Variants in EPHA7 observed in about 807,000 individuals in gnomAD.
EPHA7 encodes ephrin type-A receptor 7.
In EPHA7, 25 loss-of-function variants were observed where a neutral mutation model predicts 112.6. The ratio of observed to expected loss-of-function variants is 0.22; its 90% CI spans 0.16 to 0.31. EPHA7 has a LOEUF of 0.31. Among genes scored for constraint, EPHA7 ranks in the 10% least tolerant of loss-of-function variants. The pLI, the probability that EPHA7 is intolerant of heterozygous loss-of-function variation, is 1.00. For synonymous variants in EPHA7, 437 were observed against 406.5 expected (o/e 1.07, Z -0.90); for missense variants, 962 against 1,212.6 (o/e 0.79, Z 3.07).
chr6:93,414,289 CTT>C (rs1360178057), intron 2 of EPHA7, among the ~76,000 whole-genome samples: 2 of 151,738 alleles, frequency 1.3e-5, no homozygotes, highest in African/African-American at 4.8e-5. Flanking sequence ...GATGCTGAAA[CTT>C]TTAAAAATAG....
At chr6:93,404,179 T>C (rs1778572189) in intron 3 of EPHA7, among the ~76,000 whole-genome samples, 1 of 151,060 alleles carries the variant, frequency 6.6e-6, no homozygotes, top group Middle Eastern at 3.4e-3. Flanking sequence ...ATAATGATAC[T>C]ATGTTGTGTT....
At chr6:93,322,717 CATT>C (rs1292238955) in intron 5 of EPHA7, among the ~76,000 whole-genome samples, 1 of 151,558 alleles carries the variant, frequency 6.6e-6, no homozygotes, top group Non-Finnish European at 1.5e-5. Flanking sequence ...TTCATGAACT[CATT>C]GTATCAAATA....
chr6:93,257,397 T>A, intron 12 of EPHA7, 65 bp downstream of exon 12: 1 of 1,275,204 alleles, frequency 7.8e-7, no homozygotes, highest in South Asian at 1.3e-5. Context: ...GCAAAAAAAG[T>A]TCATAAAATT....
chr6:93,287,723 T>A (rs1010267749), intron 5 of EPHA7, among the ~76,000 whole-genome samples: 1 of 151,998 alleles, frequency 6.6e-6, no homozygotes, highest in African/African-American at 2.4e-5. Context: ...TATGTGTTGT[T>A]CCCTCTGTGT....
chr6:93,416,062 A>G (rs1458454175), intron 1 of EPHA7, among the ~76,000 whole-genome samples: 1 of 150,274 alleles, frequency 6.7e-6, no homozygotes, highest in Admixed American at 6.7e-5. Context: ...TTAGTGTTTT[A>G]CACTTAAGAC....
Position 93,258,211 on chromosome 6 carries a change from G to A in EPHA7, c.1998C>T (p.Thr666=). 1 of 1,613,142 alleles carries A rather than the reference G, an allele frequency of 6.2e-7. No homozygotes were observed. Among genetic ancestry groups the A allele is most frequent in the Non-Finnish European group, 8.5e-7 (1 of 1,179,560 alleles). ...GKRDVAVAIK[T]LKVGYTEKQR... Reference sequence around the variant, plus strand: ...GTTTTTCTGTGTAACCAACTTTCAGGGTTTTTATGGCTACTGCAACATCTC... The same window carrying A: ...GTTTTTCTGTGTAACCAACTTTCAGAGTTTTTATGGCTACTGCAACATCTC... Residue 666 remains threonine, a synonymous_variant, in exon 11 of 17, where the codon ACC becomes ACT. Coordinates refer to ENST00000369303, the MANE Select transcript of EPHA7 (RefSeq NM_004440.4).
In EPHA7 at chr6:93,241,811, A is replaced by C. The variant is rs922021998; in HGVS notation, c.*1615T>G. 2 of 219,490 alleles carry C rather than the reference A, an allele frequency of 9.1e-6. No individual in the cohort carries two copies. The highest frequency in any genetic ancestry group is 3.7e-4 in the South Asian group (2 of 5,404). 13.6% of individuals were successfully genotyped at this position (219,490 alleles called of 1,614,324 possible). A position where few individuals can be genotyped will look rare whatever the true frequency, so the allele number is the denominator to read the frequency against. Reference sequence around the variant, plus strand: ...TGTATTCAGAGCCCACTACAGAGAAATGTGTGTACAAAACAAGACAGTATA... The same window carrying C: ...TGTATTCAGAGCCCACTACAGAGAACTGTGTGTACAAAACAAGACAGTATA... On this transcript the variant is annotated 3_prime_UTR_variant, in exon 17 of 17. Transcript: ENST00000369303.
intron 5 of EPHA7, among the ~76,000 whole-genome samples, chr6:93,354,702 C>G (rs1368682184): frequency 6.7e-6 from 1 of 150,344 alleles, no homozygotes; most frequent in African/African-American, 2.4e-5. Flanking sequence ...ACATCCAAAG[C>G]CATTTTACAT....
chr6:93,349,025 G>A (rs547406277), intron 5 of EPHA7, among the ~76,000 whole-genome samples: 3 of 151,544 alleles, frequency 2.0e-5, no homozygotes, highest in East Asian at 1.9e-4. Context: ...TGATAAATTC[G>A]GAATGTGAAG....
intron 3 of EPHA7, among the ~76,000 whole-genome samples, chr6:93,373,789 G>A (rs1752881093): frequency 6.6e-6 from 1 of 150,764 alleles, no homozygotes; most frequent in African/African-American, 2.4e-5. Context: ...ATAATCACAA[G>A]CTTAACATAA....
intron 3 of EPHA7, among the ~76,000 whole-genome samples, chr6:93,376,013 CAGA>C (rs766174660): frequency 7.2e-5 from 11 of 152,090 alleles, no homozygotes; most frequent in Non-Finnish European, 1.6e-4. Flanking sequence ...AGAAGATAGT[CAGA>C]AGGAGGTGGG....
At chr6:93,412,439 A>G (rs2127995905) in intron 2 of EPHA7, among the ~76,000 whole-genome samples, 1 of 152,272 alleles carries the variant, frequency 6.6e-6, no homozygotes, top group South Asian at 2.1e-4. Context: ...AATTAGCAAT[A>G]TAATACAATT....
intron 3 of EPHA7, among the ~76,000 whole-genome samples, chr6:93,385,862 C>T (rs1777576085): frequency 6.6e-6 from 1 of 152,040 alleles, no homozygotes; most frequent in Non-Finnish European, 1.5e-5. Flanking sequence ...TCTCAGGAAA[C>T]ATAATCATGG....
At position 93,358,379 on chromosome 6, in the gene EPHA7, G is replaced by C. The variant is rs2127947020; in HGVS notation, c.865C>G (p.Gln289Glu). ...GGACAACGAGAGCACTGAAGATCTTGAGAGGAAGACTTGTAGAACCCACGG... is the reference window on the plus strand; with the variant it reads ...GGACAACGAGAGCACTGAAGATCTTCAGAGGAAGACTTGTAGAACCCACGG... Reference protein sequence around the residue: ...CGRGFYKSSSQDLQCSRCPTH... With the variant: ...CGRGFYKSSSEDLQCSRCPTH... The change falls in exon 4 of 17, where the codon CAA (glutamine) becomes GAA (glutamate). Residue 289 changes from glutamine to glutamate, a missense_variant. Transcript: ENST00000369303. The C allele has an allele frequency of 1.2e-6, 2 of 1,612,398 alleles. No homozygotes were observed. The highest frequency in any genetic ancestry group is 2.7e-5 in the African/African-American group (2 of 74,952).
At chr6:93,396,302 T>C (rs780151414) in intron 3 of EPHA7, among the ~76,000 whole-genome samples, 4 of 151,996 alleles carry the variant, frequency 2.6e-5, no homozygotes, top group Admixed American at 6.6e-5. Flanking sequence ...TTCTAGTCAT[T>C]TTATATAAAC....
At chr6:93,375,745 C>T (rs1777028750) in intron 3 of EPHA7, among the ~76,000 whole-genome samples, 1 of 151,816 alleles carries the variant, frequency 6.6e-6, no homozygotes, top group South Asian at 2.1e-4. Flanking sequence ...CATTTGAAGT[C>T]AGTTCATGCT....
intron 3 of EPHA7, among the ~76,000 whole-genome samples, chr6:93,374,642 AAAC>A (rs1373333034): frequency 6.6e-6 from 1 of 152,208 alleles, no homozygotes; most frequent in Non-Finnish European, 1.5e-5. Context: ...GAAAATAATT[AAAC>A]AACAGTGGAG....
intron 3 of EPHA7, among the ~76,000 whole-genome samples, chr6:93,393,969 G>A (rs1479460306): frequency 6.6e-6 from 1 of 151,736 alleles, no homozygotes; most frequent in East Asian, 1.9e-4. Flanking sequence ...AGTTAAACTA[G>A]ACTGTGTAGA....
chr6:93,251,684 A>G (rs1770222749), intron 14 of EPHA7, among the ~76,000 whole-genome samples: 1 of 151,934 alleles, frequency 6.6e-6, no homozygotes, highest in South Asian at 2.1e-4. Flanking sequence ...GTTGATTTGG[A>G]TGAATCAAGA....
Sources: gnomAD v4.1 joint callset for allele counts (sites outside exome capture counted in the v4.1 genomes callset) on GRCh38, gnomAD v4.1.1 for gene constraint, MANE v1.5 for transcripts, NCBI Gene and HGNC (gene_info 2026-07-23, HGNC 2026-07-21) for gene names.